Variants in DIS3 observed in about 807,000 individuals in gnomAD.
DIS3 encodes the protein DIS3 exosome endoribonuclease and 3'-5' exoribonuclease.
Under a neutral mutation model 113.0 loss-of-function variants are expected in DIS3, and 103 were observed. The ratio of observed to expected loss-of-function variants is 0.91; its 90% confidence interval spans 0.78 to 1.07. DIS3 has a LOEUF of 1.07. Among genes scored for constraint, DIS3 ranks in the 50% least tolerant of loss-of-function variants. The probability of loss-of-function intolerance (pLI) is 0.00; values close to 1 mark genes in which losing one functional copy is unlikely to be tolerated. For synonymous variants in DIS3, 402 were observed against 394.3 expected, an observed-to-expected ratio of 1.02 and a Z score of -0.23; for missense variants, 1,121 against 1,167.1, an observed-to-expected ratio of 0.96 and a Z score of 0.58.
At chr13:72,771,969 A>G in intron 10 of DIS3, 73 bp from the exon 11 acceptor site, 1 of 1,508,712 alleles carries the variant, frequency 6.6e-7, no homozygotes. Flanking sequence ...TTTTAATAAG[A>G]TAAAGTTTAG....
intron 1 of DIS3, 167 bp from the exon 2 acceptor site, chr13:72,781,170 C>T (rs1032824488): frequency 2.9e-6 from 4 of 1,381,732 alleles, no homozygotes; most frequent in Non-Finnish European, 3.0e-6. Flanking sequence ...AGTCACTAAA[C>T]CCTTCAGATC....
rs2165390 is a variant in DIS3 at position 72,757,806 on chromosome 13, T to C, written c.*1989A>G. On this transcript the variant is annotated 3_prime_UTR_variant, in exon 21 of 21. Transcript: ENST00000377767. ...TTGTGACACATCAAAATTATAATGA[T>C]GTGCTGCATAACTTTTGGTCAACAA... The C allele has an allele frequency of 0.78, 160,761 of 207,064 alleles. 62,761 individuals are homozygous for C. Among genetic ancestry groups the C allele is most frequent in the South Asian group, 0.85 (4,498 of 5,292 alleles). The allele number at this position is 207,064 out of a possible 1,614,324, so 12.8% of individuals were successfully genotyped here.
chr13:72,772,580 G>T, intron 9 of DIS3, 113 bp downstream of exon 9: 1 of 1,141,338 alleles, frequency 8.8e-7, no homozygotes, highest in Non-Finnish European at 1.2e-6. Flanking sequence ...CCAACAAAAT[G>T]CAGGAAAAGA....
At position 72,781,742 on chromosome 13, in the gene DIS3, A is replaced by T. The variant is rs1340233326; in HGVS notation, c.91T>A (p.Cys31Ser). The T allele has an allele frequency of 6.3e-7, 1 of 1,594,752 alleles. No homozygotes were observed. Among genetic ancestry groups the T allele is most frequent in the South Asian group, 1.1e-5 (1 of 88,426 alleles). Residue 31 changes from cysteine to serine, a missense_variant, in exon 1 of 21, where the codon TGC becomes AGC. By Grantham distance (112) the Cys-to-Ser change is moderately radical. Around this residue, in one of 3 missense-constraint regions of DIS3, gnomAD observed 254 missense variants for 232.2 expected, o/e 1.09. Coordinates refer to ENST00000377767, the MANE Select transcript of DIS3 (RefSeq NM_014953.5). ...CACGCTGCGCACCCGGGCGCACCGC[A>T]GCCGATGTCGTCTCGCAGGTAGTGC... ...REHYLRDDIG[C>S]GAPGCAACGG...
intron 14 of DIS3, among the ~76,000 whole-genome samples, chr13:72,767,956 T>C (rs9543114): frequency 0.033 from 5,051 of 152,294 alleles, 126 homozygotes; most frequent in South Asian, 0.054. Flanking sequence ...TCAACATGCC[T>C]GAGTTAATAC....
At chr13:72,773,580 G>GC in intron 8 of DIS3, 104 bp downstream of exon 8, 1 of 1,292,100 alleles carries the variant, frequency 7.7e-7, no homozygotes, top group Non-Finnish European at 1.0e-6. Flanking sequence ...CTAAATTTCA[G>GC]TACAAATTCT....
Position 72,775,086 on chromosome 13 carries a change from C to T in DIS3, c.987+125G>A, listed in dbSNP as rs1045930601. 21 of 1,032,354 alleles carry T rather than the reference C, an allele frequency of 2.0e-5. No individual in the cohort carries two copies. In the African/African-American group the frequency reaches 3.0e-4, roughly 15 times the overall value. 63.9% of individuals were successfully genotyped at this position (1,032,354 alleles called of 1,614,324 possible). ...AGAAAAAAACCATGTGTATGACATG[C>T]GTTAAATATACAGAACTATGATTTT... On this transcript the variant is annotated intron_variant, in intron 6 of 20. Transcript: ENST00000377767.
chr13:72,763,122 AATCT>A (rs929084242), intron 16 of DIS3, among the ~76,000 whole-genome samples: 1 of 152,070 alleles, frequency 6.6e-6, no homozygotes, highest in African/African-American at 2.4e-5. Flanking sequence ...ACATAGTGAA[AATCT>A]ACCTCTACCA....
In DIS3 at chr13:72,753,599, G is replaced by A. The variant is rs1177779039; in HGVS notation, c.*6196C>T. ...TATTACATGTTAGGATCATTCAGAT[G>A]TAGTGAATGAGAGTTTATAGTGGTT... On this transcript the variant is annotated 3_prime_UTR_variant, in exon 21 of 21. Coordinates refer to ENST00000377767, the MANE Select transcript of DIS3 (RefSeq NM_014953.5). The A allele has an allele frequency of 5.6e-6, 7 of 1,254,778 alleles. No individual in the cohort carries two copies. In the African/African-American group the frequency reaches 6.0e-5, roughly 11 times the overall value. 77.7% of individuals were successfully genotyped at this position (1,254,778 alleles called of 1,614,324 possible). A position where few individuals can be genotyped will look rare whatever the true frequency, so the allele number is the denominator to read the frequency against.
chr13:72,775,648 A>G (rs2033995927), intron 5 of DIS3, among the ~76,000 whole-genome samples: 1 of 152,162 alleles, frequency 6.6e-6, no homozygotes, highest in South Asian at 2.1e-4. Context: ...AAAATTATTT[A>G]TGCTCTCTAA....
intron 15 of DIS3, 59 bp from the exon 16 acceptor site, chr13:72,763,666 A>G: frequency 1.3e-6 from 2 of 1,496,816 alleles, no homozygotes; most frequent in Non-Finnish European, 1.8e-6. Context: ...TCTATATATC[A>G]TATTTTTTCA....
intron 4 of DIS3, among the ~76,000 whole-genome samples, chr13:72,776,750 T>C (rs1011751827): frequency 6.6e-5 from 10 of 152,212 alleles, no homozygotes; most frequent in African/African-American, 2.2e-4. Flanking sequence ...AATTTAATTA[T>C]TCCCTTAGCA....
chr13:72,770,844 CT>C, intron 13 of DIS3, 59 bp downstream of exon 13: 1 of 1,224,546 alleles, frequency 8.2e-7, no homozygotes, highest in South Asian at 1.7e-5. Flanking sequence ...ATTTATTTAG[CT>C]TTTTTCAAAA....
intron 1 of DIS3, 153 bp downstream of exon 1, chr13:72,781,452 G>A: frequency 6.8e-7 from 1 of 1,468,192 alleles, no homozygotes; most frequent in South Asian, 1.3e-5. Flanking sequence ...AAGAACCTCG[G>A]CCTGGGGAAC....
intron 20 of DIS3, among the ~76,000 whole-genome samples, chr13:72,760,111 A>T (rs866959443): frequency 6.6e-6 from 1 of 152,180 alleles, no homozygotes; most frequent in South Asian, 2.1e-4. Context: ...TCATTTAGGA[A>T]GTGTTCTTTT....
At chr13:72,778,456 G>A in intron 2 of DIS3, 76 bp from the exon 3 acceptor site, 1 of 1,210,004 alleles carries the variant, frequency 8.3e-7, no homozygotes, top group Non-Finnish European at 1.1e-6. Context: ...GCACATAAAT[G>A]CTTAACCACT....
In DIS3 at chr13:72,777,492, A is replaced by T; in HGVS notation, c.582T>A (p.Cys194Ter). The change falls in exon 4 of 21, where the codon TGT (cysteine) becomes TGA (stop). Residue 194 changes from cysteine (C) to a stop codon, truncating the protein, a stop_gained and splice_region_variant. Coordinates refer to ENST00000377767, the MANE Select transcript of DIS3 (RefSeq NM_014953.5). LOFTEE classifies it high-confidence loss of function. ...AIEEGIPAFT[C>*]EEYVKSLTAN... ...CAGTTAGGCTCTTTACATATTCTTC[A>T]CCTGAAAAAATAAGTTTATGTTGTT... The T allele has an allele frequency of 1.2e-6, 2 of 1,613,686 alleles. No individual in the cohort carries two copies. The highest frequency in any genetic ancestry group is 1.7e-6 in the Non-Finnish European group (2 of 1,179,712).
chr13:72,772,846 CCAAG>C lies in DIS3; in HGVS notation c.1240-11_1240-8del. The C allele has an allele frequency of 6.3e-7, 1 of 1,583,758 alleles. No individual in the cohort carries two copies. Among genetic ancestry groups the C allele is most frequent in the Non-Finnish European group, 8.6e-7 (1 of 1,169,476 alleles). On this transcript the variant is annotated splice_polypyrimidine_tract_variant and splice_region_variant and intron_variant, in intron 8 of 20. Coordinates refer to ENST00000377767, the MANE Select transcript of DIS3 (RefSeq NM_014953.5). Reference sequence around the variant, plus strand: ...AATTTCTCACAAAGTGTCCCTGAAACCAAGAGGCATTATTAGAAACGCCTATTTT... The same window carrying C: ...AATTTCTCACAAAGTGTCCCTGAAACAGGCATTATTAGAAACGCCTATTTT...
chr13:72,774,723 G>A (rs1294236128), intron 6 of DIS3, among the ~76,000 whole-genome samples: 11 of 152,088 alleles, frequency 7.2e-5, no homozygotes, highest in African/African-American at 2.7e-4. Context: ...GCCATATCAA[G>A]TAGACTTAGC....
Sources: gnomAD v4.1 joint callset for allele counts (sites outside exome capture counted in the v4.1 genomes callset) on GRCh38, gnomAD v4.1.1 for gene constraint, gnomAD v4.1.1 regional missense constraint, MANE v1.5 for transcripts, NCBI Gene and HGNC (gene_info 2026-07-23, HGNC 2026-07-21) for gene names.